Variants in SP140L observed in about 807,000 individuals in gnomAD.
The protein encoded by SP140L is nuclear body protein SP140-like protein.
Under a neutral mutation model 84.3 loss-of-function variants are expected in SP140L, and 64 were observed. The ratio of observed to expected loss-of-function variants is 0.76; its 90% CI spans 0.62 to 0.94. SP140L has a LOEUF of 0.94. Among genes scored for constraint, SP140L ranks in the 40% least tolerant of loss-of-function variants. SP140L has a pLI of 0.00. For missense variants in SP140L, 628 were observed against 692.5 expected, an observed-to-expected ratio of 0.91 and a Z score of 1.05; for synonymous variants, 242 against 236.9, an observed-to-expected ratio of 1.02 and a Z score of -0.20.
intron 13 of SP140L, among the ~76,000 whole-genome samples, chr2:230,393,957 AAAT>A (rs1488818743): frequency 6.6e-6 from 1 of 152,214 alleles, no homozygotes; most frequent in African/African-American, 2.4e-5. Flanking sequence ...TAGGTAATAA[AAAT>A]AATATTTCTT....
intron 7 of SP140L, among the ~76,000 whole-genome samples, chr2:230,379,647 A>G (rs984993727): frequency 6.6e-6 from 1 of 151,984 alleles, no homozygotes; most frequent in African/African-American, 2.4e-5. Context: ...CTAGTGAGTG[A>G]TCTCTAAGTG....
chr2:230,389,250 G>A (rs751204837), intron 10 of SP140L, among the ~76,000 whole-genome samples: 2 of 152,068 alleles, frequency 1.3e-5, no homozygotes, highest in South Asian at 2.1e-4. Context: ...TGTTTGGAAG[G>A]GCAGGATTAG....
chr2:230,366,709 T>TTATTA (rs1559432203), intron 5 of SP140L, among the ~76,000 whole-genome samples: 10 of 65,008 alleles, frequency 1.5e-4, no homozygotes, highest in African/African-American at 2.3e-4. Flanking sequence ...TGGATTATTA[T>TTATTA]CTATTATTAT....
intron 5 of SP140L, among the ~76,000 whole-genome samples, chr2:230,367,295 C>CTTTTTTTTTTTTTTTT (rs200306286): frequency 8.5e-6 from 1 of 118,050 alleles, no homozygotes; most frequent in African/African-American, 3.3e-5. Flanking sequence ...TCTTTTTTTT[C>CTTTTTTTTTTTTTTTT]TTTTTTTTTT....
At chr2:230,380,304 A>G (rs564303695) in intron 7 of SP140L, among the ~76,000 whole-genome samples, 1 of 152,318 alleles carries the variant, frequency 6.6e-6, no homozygotes, top group African/African-American at 2.4e-5. Context: ...GGTCCCTCCC[A>G]CATGAGAATA....
intron 13 of SP140L, among the ~76,000 whole-genome samples, chr2:230,394,984 C>G (rs559469790): frequency 0.012 from 1,536 of 130,284 alleles, 33 homozygotes; most frequent in African/African-American, 0.041. Context: ...TTAAGAGACT[C>G]CAGTAATTTT....
intron 5 of SP140L, among the ~76,000 whole-genome samples, chr2:230,365,418 C>A (rs1340093465): frequency 2.0e-5 from 3 of 151,940 alleles, no homozygotes; most frequent in Non-Finnish European, 2.9e-5. Flanking sequence ...TTATCCAATT[C>A]TTTGGTGTAT....
rs545713166 is a variant in SP140L at position 230,367,212 on chromosome 2, G to C, written c.524-3696G>C. ...TATAATAGGCTGTTTTAAGCTGATA[G>C]CCTACAAAAACTCTGTACTGTACTT... On this transcript the variant is annotated intron_variant, in intron 5 of 18. Transcript: ENST00000415673. Among the ~76,000 whole-genome samples, 11 of 151,666 alleles carry C rather than the reference G, an allele frequency of 7.3e-5. No homozygotes were observed. The South Asian group carries it at 2.3e-3, about 32-fold the overall frequency.
chr2:230,401,300 G>C, intron 16 of SP140L, 66 bp from the exon 17 acceptor site: 3 of 1,611,310 alleles, frequency 1.9e-6, no homozygotes, highest in South Asian at 1.1e-5. Context: ...GTCGTGTGCT[G>C]TGTCTCATGC....
chr2:230,384,334 T>C (rs1036188144), intron 8 of SP140L, among the ~76,000 whole-genome samples: 1 of 152,318 alleles, frequency 6.6e-6, no homozygotes, highest in South Asian at 2.1e-4. Context: ...TTTTAGACCA[T>C]TTTATTTTCT....
At position 230,343,158 on chromosome 2, in the gene SP140L, C is replaced by T. The variant is rs528467895; in HGVS notation, c.107+14327C>T. Among the ~76,000 whole-genome samples, 18 of 118,338 alleles carry T rather than the reference C, an allele frequency of 1.5e-4. No homozygotes were observed. In the South Asian group the frequency reaches 4.1e-3, roughly 27 times the overall value. 77.6% of individuals were successfully genotyped at this position (118,338 alleles called of 152,430 possible). ...GGTTTGTTACATAGGTAAACATGTG[C>T]CATGGTGTTTGTTGCACAGATCATC... On this transcript the variant is annotated intron_variant, in intron 2 of 18. Coordinates refer to ENST00000415673, the MANE Select transcript of SP140L (RefSeq NM_138402.6).
At chr2:230,385,676 A>C (rs956022275) in intron 9 of SP140L, among the ~76,000 whole-genome samples, 2 of 152,206 alleles carry the variant, frequency 1.3e-5, no homozygotes, top group African/African-American at 4.8e-5. Context: ...TGTCCTGAGC[A>C]AGCCCTATCG....
chr2:230,360,312 G>A (rs572131497), intron 4 of SP140L, among the ~76,000 whole-genome samples: 2 of 152,250 alleles, frequency 1.3e-5, no homozygotes, highest in South Asian at 2.1e-4. Flanking sequence ...GATGGTGAAC[G>A]GTCTGGAATT....
chr2:230,341,917 A>T (rs936347289), intron 2 of SP140L, among the ~76,000 whole-genome samples: 5 of 152,094 alleles, frequency 3.3e-5, no homozygotes, highest in African/African-American at 1.2e-4. Flanking sequence ...GGGACATTTA[A>T]GTCTGCAGAG....
intron 8 of SP140L, among the ~76,000 whole-genome samples, chr2:230,384,765 C>T (rs1974983): frequency 0.18 from 27,183 of 151,724 alleles, 2,746 homozygotes; most frequent in South Asian, 0.44. Flanking sequence ...TACAAAATTT[C>T]GCTGGATGTG....
chr2:230,349,847 A>G (rs1389768098), intron 2 of SP140L, among the ~76,000 whole-genome samples: 4 of 152,140 alleles, frequency 2.6e-5, no homozygotes, highest in African/African-American at 9.7e-5. Context: ...CGTCTCTACT[A>G]AAAGTACAAA....
At chr2:230,388,928 C>A (rs1310807217) in intron 10 of SP140L, 4 of 238,298 alleles carry the variant, frequency 1.7e-5, no homozygotes, top group South Asian at 8.6e-5. Context: ...AAGGGTATAA[C>A]CCGTAAGTGA....
At chr2:230,402,762 AG>A in intron 18 of SP140L, 35 bp from the exon 19 acceptor site, 1 of 1,517,052 alleles carries the variant, frequency 6.6e-7, no homozygotes, top group Non-Finnish European at 9.1e-7. Flanking sequence ...ACTAATGATA[AG>A]GAACATCGTT....
chr2:230,357,882 T>C lies in SP140L; in HGVS notation c.185T>C (p.Leu62Pro). Residue 62 changes from leucine (L) to proline (P), a missense_variant, in exon 3 of 19, where the codon CTG (leucine) becomes CCG (proline). This residue lies in a region of SP140L where 525 missense variants were observed against 518.4 expected (regional missense o/e 1.01). Transcript: ENST00000415673. ...TVFKHFKRHKLEISNAIKKTF... is the reference protein window; with the variant it reads ...TVFKHFKRHKPEISNAIKKTF... ...TTCAAGCACTTCAAAAGACATAAGCTGGAGATATCAAATGCAATAAAAAAG... is the reference window on the plus strand; with the variant it reads ...TTCAAGCACTTCAAAAGACATAAGCCGGAGATATCAAATGCAATAAAAAAG... 1 of 1,614,074 alleles carries C rather than the reference T, an allele frequency of 6.2e-7. No homozygotes were observed. The highest frequency in any genetic ancestry group is 1.3e-5 in the African/African-American group (1 of 75,044).
Sources: gnomAD v4.1 joint callset for allele counts (sites outside exome capture counted in the v4.1 genomes callset) on GRCh38, gnomAD v4.1.1 for gene constraint, gnomAD v4.1.1 regional missense constraint, MANE v1.5 for transcripts, NCBI Gene and HGNC (gene_info 2026-07-23, HGNC 2026-07-21) for gene names.